Variants in NXPE3 observed in about 807,000 individuals in gnomAD.
The protein encoded by NXPE3 is neurexophilin and PC-esterase domain family member 3, also known as NXPE family member 3.
A neutral mutation model predicts 46.1 loss-of-function variants in NXPE3; 26 were observed. The observed-to-expected ratio is 0.56, with a 90% CI of 0.41 to 0.78. The LOEUF (loss-of-function observed/expected upper bound fraction) is 0.78. Among genes scored for constraint, NXPE3 ranks in the 30% least tolerant of loss-of-function variants. The pLI, the probability that NXPE3 is intolerant of heterozygous loss-of-function variation, is 0.00. For missense variants in NXPE3, 620 were observed against 686.0 expected, an observed-to-expected ratio of 0.90 and a Z score of 1.07; for synonymous variants, 272 against 257.9, an observed-to-expected ratio of 1.05 and a Z score of -0.52.
At chr3:101,814,840 G>T (rs1560063308) in intron 6 of NXPE3, among the ~76,000 whole-genome samples, 1 of 152,042 alleles carries the variant, frequency 6.6e-6, no homozygotes. Flanking sequence ...TTTTTGAGAA[G>T]TGATCTAGCA....
chr3:101,803,000 A>G (rs936844971), intron 5 of NXPE3, among the ~76,000 whole-genome samples: 2 of 152,192 alleles, frequency 1.3e-5, no homozygotes, highest in African/African-American at 4.8e-5. Flanking sequence ...TGTGATCACA[A>G]TTGCACTACA....
intron 1 of NXPE3, among the ~76,000 whole-genome samples, chr3:101,780,338 G>A (rs1251246399): frequency 1.3e-5 from 2 of 152,124 alleles, no homozygotes; most frequent in African/African-American, 4.8e-5. Flanking sequence ...CCAATAGAGT[G>A]CTGTTATTTG....
intron 5 of NXPE3, among the ~76,000 whole-genome samples, chr3:101,804,400 T>C (rs1200415066): frequency 3.9e-5 from 6 of 152,244 alleles, no homozygotes; most frequent in Non-Finnish European, 7.3e-5. Context: ...TGGTACATTG[T>C]TGTAGAATAA....
chr3:101,820,678 A>G (rs1942205375), intron 7 of NXPE3, among the ~76,000 whole-genome samples: 1 of 152,252 alleles, frequency 6.6e-6, no homozygotes, highest in Non-Finnish European at 1.5e-5. Flanking sequence ...CATATGTACC[A>G]TGGAATACTA....
intron 5 of NXPE3, among the ~76,000 whole-genome samples, chr3:101,805,684 G>A (rs1442676816): frequency 6.6e-6 from 1 of 152,042 alleles, no homozygotes; most frequent in African/African-American, 2.4e-5. Context: ...AAGGATATCT[G>A]CCCGTCTTGG....
At position 101,782,183 on chromosome 3, in the gene NXPE3, C is replaced by G. The variant is rs1243263408; in HGVS notation, c.-424C>G. On this transcript the variant is annotated 5_prime_UTR_variant, in exon 2 of 8. Transcript: ENST00000273347. The stretch of plus-strand genomic sequence containing the variant: ...TGTGGCATGAAAAAAATGAGGACCT[C>G]TGGTCAAAATTGCCTGAGTTCAGAA... 3 of 152,140 alleles carry G rather than the reference C, an allele frequency of 2.0e-5. No individual in the cohort carries two copies. The highest frequency in any genetic ancestry group is 2.9e-5 in the Non-Finnish European group (2 of 68,026). 9.4% of individuals were successfully genotyped at this position (152,140 alleles called of 1,614,324 possible). A position where few individuals can be genotyped will look rare whatever the true frequency, so the allele number is the denominator to read the frequency against.
intron 4 of NXPE3, among the ~76,000 whole-genome samples, chr3:101,797,306 T>G (rs1056261573): frequency 6.6e-6 from 1 of 152,184 alleles, no homozygotes; most frequent in Admixed American, 6.5e-5. Context: ...TATGAGGCAG[T>G]GTATCATGGG....
intron 6 of NXPE3, among the ~76,000 whole-genome samples, chr3:101,808,746 G>T (rs1941543446): frequency 7.1e-6 from 1 of 141,134 alleles, no homozygotes; most frequent in African/African-American, 2.6e-5. Flanking sequence ...TATGCCACAA[G>T]AATTCCCAGT....
chr3:101,821,509 T>C lies in NXPE3; in HGVS notation c.1235T>C (p.Ile412Thr). ...AAATACCGCTGCCATGGTCCACCCA[T>C]CCGCTTCACGACTGTCTTTAGCAAT... is the stretch of plus-strand genomic sequence containing the variant. The part of the protein sequence containing the change: ...LLKYRCHGPP[I>T]RFTTVFSNEL... The change falls in exon 8 of 8, where the codon ATC becomes ACC. Residue 412 changes from isoleucine (I) to threonine (T), a missense_variant. By Grantham distance (89) the Ile-to-Thr change is moderately conservative (BLOSUM62 -1). Transcript: ENST00000273347. 1 of 1,614,178 alleles carries C rather than the reference T, an allele frequency of 6.2e-7. No individual in the cohort carries two copies.
intron 4 of NXPE3, among the ~76,000 whole-genome samples, chr3:101,793,615 A>T (rs1377506469): frequency 2.4e-3 from 59 of 24,904 alleles, no homozygotes; most frequent in Non-Finnish European, 2.8e-3. Flanking sequence ...TTTTTGTATT[A>T]ATTGACAAGG....
At position 101,802,510 on chromosome 3, in the gene NXPE3, G is replaced by A. The variant is rs1409706482; in HGVS notation, c.848+521G>A. ...GGCTGGTAGGGCTGGTAGTCAGGCTGGTGTTTTATCTTTGTATCTAATGAA... is the reference window on the plus strand; with the variant it reads ...GGCTGGTAGGGCTGGTAGTCAGGCTAGTGTTTTATCTTTGTATCTAATGAA... On this transcript the variant is annotated intron_variant, in intron 5 of 7. Transcript: ENST00000273347. 2.6e-5 allele frequency among the ~76,000 whole-genome samples: 4 copies of A among 151,674 alleles called. No homozygotes were observed. The East Asian group carries it at 7.7e-4, about 29-fold the overall frequency.
intron 6 of NXPE3, among the ~76,000 whole-genome samples, chr3:101,813,869 CAT>C (rs1941837742): frequency 6.6e-6 from 1 of 152,132 alleles, no homozygotes; most frequent in Non-Finnish European, 1.5e-5. Context: ...TCTTAAAAAT[CAT>C]ATTAAAATTG....
Position 101,785,594 on chromosome 3 carries a change from A to G in NXPE3, c.-3A>G, listed in dbSNP as rs779014704. 1 of 1,613,916 alleles carries G rather than the reference A, an allele frequency of 6.2e-7. No individual in the cohort carries two copies. Among genetic ancestry groups the G allele is most frequent in the South Asian group, 1.1e-5 (1 of 91,084 alleles). On this transcript the variant is annotated 5_prime_UTR_variant, in exon 4 of 8. Coordinates refer to ENST00000273347, the MANE Select transcript of NXPE3 (RefSeq NM_145037.4). ...CCATGGGTGAACAAGACACAGCCAGACAATGTGGACCAATTTCTTCAAACT... is the reference window on the plus strand; with the variant it reads ...CCATGGGTGAACAAGACACAGCCAGGCAATGTGGACCAATTTCTTCAAACT...
chr3:101,801,448 C>T lies in NXPE3; in HGVS notation c.307C>T (p.Pro103Ser). ...GPVPFVKSTD[P>S]SSSYFVILNS... The stretch of plus-strand genomic sequence containing the variant: ...AGTCCCCTTTGTGAAGAGCACTGAC[C>T]CTTCTTCCAGCTACTTTGTCATCTT... Residue 103 changes from proline (P) to serine (S), a missense_variant, in exon 5 of 8, where the codon CCT (proline) becomes TCT (serine). Physicochemically the swap from Pro to Ser is moderately conservative, Grantham distance 74 (BLOSUM62 -1). This residue lies in a region of NXPE3 where 511 missense variants were observed against 528.6 expected (regional missense o/e 0.97). Coordinates refer to ENST00000273347, the MANE Select transcript of NXPE3 (RefSeq NM_145037.4). 1 of 1,614,160 alleles carries T rather than the reference C, an allele frequency of 6.2e-7. No individual in the cohort carries two copies. The highest frequency in any genetic ancestry group is 8.5e-7 in the Non-Finnish European group (1 of 1,180,040).
chr3:101,820,144 G>C (rs1185707281), intron 7 of NXPE3, among the ~76,000 whole-genome samples: 1 of 152,210 alleles, frequency 6.6e-6, no homozygotes. Flanking sequence ...CCCATGTCTT[G>C]AGAGAAATAA....
chr3:101,809,287 A>G (rs1941599236), intron 6 of NXPE3, among the ~76,000 whole-genome samples: 1 of 152,202 alleles, frequency 6.6e-6, no homozygotes, highest in African/African-American at 2.4e-5. Context: ...TAACAGGTAT[A>G]TAACTGGAAA....
chr3:101,804,585 A>T (rs1442142695), intron 5 of NXPE3, among the ~76,000 whole-genome samples: 1 of 152,214 alleles, frequency 6.6e-6, no homozygotes, highest in Non-Finnish European at 1.5e-5. Context: ...AAAGAAAAAG[A>T]TTGAAATTGA....
rs1304356919 is a variant in NXPE3 at position 101,823,795 on chromosome 3, T to C, written c.*1841T>C. 1 of 151,576 alleles carries C rather than the reference T, an allele frequency of 6.6e-6. No individual in the cohort carries two copies. Among genetic ancestry groups the C allele is most frequent in the East Asian group, 1.9e-4 (1 of 5,168 alleles). 9.4% of individuals were successfully genotyped at this position (151,576 alleles called of 1,614,324 possible). ...AAATTTTTGTTAAATAATAAAAGAA[T>C]TAAGGCCAGGGATGTTGGCTCACAT... On this transcript the variant is annotated 3_prime_UTR_variant, in exon 8 of 8. Transcript: ENST00000273347.
rs554473698 is a variant in NXPE3, at chr3:101,814,783, A to G, written c.923-2012A>G. ...AATTGTTAGAAATGAATAAATATATACCTTCAAGAAAAAAAAAAAGAAATG... is the reference window on the plus strand; with the variant it reads ...AATTGTTAGAAATGAATAAATATATGCCTTCAAGAAAAAAAAAAAGAAATG... On this transcript the variant is annotated intron_variant, in intron 6 of 7. Coordinates refer to ENST00000273347, the MANE Select transcript of NXPE3 (RefSeq NM_145037.4). Among the ~76,000 whole-genome samples the G allele has an allele frequency of 4.6e-5, 7 of 151,966 alleles. No homozygotes were observed. In the South Asian group the frequency reaches 1.2e-3, roughly 27 times the overall value.
Sources: gnomAD v4.1 joint callset for allele counts (sites outside exome capture counted in the v4.1 genomes callset) on GRCh38, gnomAD v4.1.1 for gene constraint, gnomAD v4.1.1 regional missense constraint, MANE v1.5 for transcripts, NCBI Gene and HGNC (gene_info 2026-07-23, HGNC 2026-07-21) for gene names.